STK3: variants seen among roughly 807,000 people sequenced by gnomAD.
STK3 encodes serine/threonine kinase 3.
STK3 carries 41 observed loss-of-function variants against 58.0 expected under a neutral mutation model. That is an observed-to-expected ratio of 0.71 (90% CI 0.55 to 0.92). The LOEUF (loss-of-function observed/expected upper bound fraction) is 0.92, where lower values mean the gene tolerates loss of function less well. STK3 is among the 40% of genes least tolerant of loss of function. The probability of loss-of-function intolerance (pLI) is 0.00; values close to 1 mark genes in which losing one functional copy is unlikely to be tolerated. For synonymous variants in STK3, 170 were observed against 191.0 expected (o/e 0.89, Z 0.91); for missense variants, 479 against 602.7 (o/e 0.79, Z 2.15).
chr8:98,611,488 G>A (rs898965902), intron 6 of STK3, among the ~76,000 whole-genome samples: 5 of 152,012 alleles, frequency 3.3e-5, no homozygotes, highest in East Asian at 1.9e-4. Flanking sequence ...CCTCATTTTC[G>A]TGCCTAGGGA....
chr8:98,485,237 G>A (rs865875798), intron 10 of STK3, among the ~76,000 whole-genome samples: 9 of 119,216 alleles, frequency 7.5e-5, no homozygotes, highest in Admixed American at 7.1e-4. Context: ...GGGAAACTGC[G>A]TCTCAAAAAA....
intron 1 of STK3, among the ~76,000 whole-genome samples, chr8:98,783,082 G>A (rs1034411712): frequency 4.6e-5 from 7 of 152,124 alleles, no homozygotes; most frequent in Non-Finnish European, 8.8e-5. Context: ...CTGAACATCA[G>A]TGAGAAAGAA....
At chr8:98,573,656 A>G (rs1813150285) in intron 8 of STK3, among the ~76,000 whole-genome samples, 1 of 152,054 alleles carries the variant, frequency 6.6e-6, no homozygotes, top group Admixed American at 6.6e-5. Context: ...AGTCCCCCAA[A>G]GTCTTAGCTC....
intron 1 of STK3, among the ~76,000 whole-genome samples, chr8:98,795,601 A>G (rs889363103): frequency 3.9e-5 from 6 of 152,164 alleles, no homozygotes; most frequent in African/African-American, 1.4e-4. Context: ...GAAGGCAAAC[A>G]ATATCTCTTC....
At chr8:98,908,189 C>T (rs1346438035) in intron 1 of STK3, among the ~76,000 whole-genome samples, 1 of 152,192 alleles carries the variant, frequency 6.6e-6, no homozygotes, top group African/African-American at 2.4e-5. Context: ...AATGGTGATA[C>T]TCTGATTCTA....
At chr8:98,711,833 C>A (rs867487990) in intron 4 of STK3, among the ~76,000 whole-genome samples, 4 of 152,280 alleles carry the variant, frequency 2.6e-5, no homozygotes, top group Middle Eastern at 3.4e-3. Flanking sequence ...ACATAATTGT[C>A]AGATTCACCA....
At chr8:98,423,658 G>A (rs1014707025) in intron 3 of STK3, among the ~76,000 whole-genome samples, 15 of 152,204 alleles carry the variant, frequency 9.9e-5, no homozygotes, top group Admixed American at 3.9e-4. Context: ...CCTTCAGGGC[G>A]GAAAGCACCT....
At chr8:98,830,485 A>C (rs1187437477), upstream of STK3, among the ~76,000 whole-genome samples, 1 of 152,216 alleles carries the variant, frequency 6.6e-6, no homozygotes, top group Admixed American at 6.5e-5. Context: ...AATTACTTAG[A>C]AGAAGAAAAA....
chr8:98,884,779 T>C (rs1334651663), intron 1 of STK3, among the ~76,000 whole-genome samples: 1 of 152,240 alleles, frequency 6.6e-6, no homozygotes, highest in Non-Finnish European at 1.5e-5. Flanking sequence ...ATAAGTTTCA[T>C]GATGGGAGTA....
At chr8:98,684,656 T>C (rs1823862867) in intron 6 of STK3, among the ~76,000 whole-genome samples, 1 of 152,136 alleles carries the variant, frequency 6.6e-6, no homozygotes, top group South Asian at 2.1e-4. Flanking sequence ...TTATAACTAA[T>C]TCAGAGATAA....
intron 6 of STK3, among the ~76,000 whole-genome samples, chr8:98,701,628 A>AT (rs1478016453): frequency 2.1e-5 from 3 of 143,708 alleles, no homozygotes; most frequent in South Asian, 2.1e-4. Context: ...TCTCAAAAAA[A>AT]AATATATATA....
chr8:98,859,625 A>G (rs1397317973), intron 3 of STK3, among the ~76,000 whole-genome samples: 1 of 152,214 alleles, frequency 6.6e-6, no homozygotes, highest in Non-Finnish European at 1.5e-5. Flanking sequence ...CATAGCTCTT[A>G]TGACTCCTCT....
chr8:98,517,469 GC>G (rs1189561034), intron 10 of STK3, among the ~76,000 whole-genome samples: 3 of 151,960 alleles, frequency 2.0e-5, no homozygotes, highest in African/African-American at 7.2e-5. Context: ...AATATGATAG[GC>G]CCCCAAACAA....
chr8:98,824,280 C>G (rs979873586), intron 1 of STK3, among the ~76,000 whole-genome samples: 1 of 152,188 alleles, frequency 6.6e-6, no homozygotes, highest in Admixed American at 6.5e-5. Flanking sequence ...TACACCTGCC[C>G]CTGACTCCTC....
the STK3 span, among the ~76,000 whole-genome samples, chr8:98,365,202 T>A: frequency 6.6e-6 from 1 of 152,234 alleles, no homozygotes; most frequent in African/African-American, 2.4e-5. Flanking sequence ...TTAGAAATCA[T>A]GTAATTTTTT....
At chr8:98,590,574 G>A (rs1264903569) in intron 7 of STK3, among the ~76,000 whole-genome samples, 8 of 152,168 alleles carry the variant, frequency 5.3e-5, no homozygotes, top group Admixed American at 5.2e-4. Context: ...GGAGGACGGG[G>A]GATTGATCTC....
intron 6 of STK3, chr8:98,601,486 T>C (rs993884322): frequency 1.3e-5 from 2 of 152,220 alleles, no homozygotes. Flanking sequence ...ATAGAAGTCC[T>C]ATGATCAGTT....
intron 1 of STK3, among the ~76,000 whole-genome samples, chr8:98,910,756 C>A (rs1371466041): frequency 6.6e-6 from 1 of 152,148 alleles, no homozygotes; most frequent in Non-Finnish European, 1.5e-5. Flanking sequence ...CAGTCTACGA[C>A]CTGCCTGTGA....
intron 1 of STK3, chr8:98,905,391 A>G: frequency 8.1e-7 from 1 of 1,237,844 alleles, no homozygotes; most frequent in Middle Eastern, 1.9e-4. Flanking sequence ...CTTGGCTTGA[A>G]GCTCTTGGTT....
Sources: gnomAD v4.1 joint callset for allele counts (sites outside exome capture counted in the v4.1 genomes callset) on GRCh38, gnomAD v4.1.1 for gene constraint, MANE v1.5 for transcripts, NCBI Gene and HGNC (gene_info 2026-07-23, HGNC 2026-07-21) for gene names.